Variants in SNX25 observed in about 807,000 individuals in gnomAD.
SNX25 encodes sorting nexin 25.
SNX25 carries 62 observed loss-of-function variants against 113.7 expected under a neutral mutation model. The observed-to-expected ratio is 0.55, with a 90% CI of 0.44 to 0.67. The LOEUF (loss-of-function observed/expected upper bound fraction) is 0.67. SNX25 is among the 30% of genes least tolerant of loss of function. The probability of loss-of-function intolerance (pLI) is 0.00; values close to 1 mark genes in which losing one functional copy is unlikely to be tolerated. For synonymous variants in SNX25, 421 were observed against 436.2 expected (o/e 0.97, Z 0.43); for missense variants, 1,014 against 1,161.0 (o/e 0.87, Z 1.84).
At chr4:185,288,613 T>TG (rs769586379) in intron 6 of SNX25, among the ~76,000 whole-genome samples, 314 of 50,112 alleles carry the variant, frequency 6.3e-3, no homozygotes, top group African/African-American at 0.014. Context: ...TGTTGGGGGG[T>TG]GGGGGGGTGG....
At chr4:185,314,086 C>T (rs1486074198) in intron 7 of SNX25, among the ~76,000 whole-genome samples, 3 of 152,096 alleles carry the variant, frequency 2.0e-5, no homozygotes, top group African/African-American at 4.8e-5. Context: ...AAACCCTGTA[C>T]GAGTGGGCCT....
intron 10 of SNX25, among the ~76,000 whole-genome samples, chr4:185,339,143 G>C (rs983884268): frequency 6.6e-6 from 1 of 152,088 alleles, no homozygotes; most frequent in Non-Finnish European, 1.5e-5. Flanking sequence ...TCTTTCATCA[G>C]TGTTTTGTAG....
At chr4:185,345,152 C>T (rs2095279358) in intron 12 of SNX25, among the ~76,000 whole-genome samples, 1 of 152,176 alleles carries the variant, frequency 6.6e-6, no homozygotes, top group Non-Finnish European at 1.5e-5. Flanking sequence ...AAAGTCCATG[C>T]CCGTCCTCTT....
At chr4:185,320,405 T>C (rs1230759900) in intron 7 of SNX25, among the ~76,000 whole-genome samples, 1 of 151,812 alleles carries the variant, frequency 6.6e-6, no homozygotes, top group African/African-American at 2.4e-5. Flanking sequence ...ATGTTCTCAC[T>C]CGTAAGTGGG....
intron 16 of SNX25, among the ~76,000 whole-genome samples, chr4:185,359,504 C>CA (rs992512536): frequency 1.1e-4 from 17 of 151,990 alleles, no homozygotes; most frequent in African/African-American, 2.7e-4. Context: ...AAGAAATTCC[C>CA]AAAAAAAGGC....
At chr4:185,212,489 G>T (rs10025729) in intron 1 of SNX25, among the ~76,000 whole-genome samples, 7,470 of 42,204 alleles carry the variant, frequency 0.18, 469 homozygotes, top group Non-Finnish European at 0.23. Context: ...GTGTGTGTGT[G>T]TGTTTTTTTT....
intron 2 of SNX25, among the ~76,000 whole-genome samples, chr4:185,252,002 A>AT (rs561867353): frequency 4.0e-5 from 6 of 151,114 alleles, no homozygotes; most frequent in South Asian, 2.1e-4. Context: ...AATGTTCACA[A>AT]TTTTTTTTAC....
chr4:185,265,359 C>A (rs1039791105), intron 4 of SNX25, among the ~76,000 whole-genome samples: 6 of 152,176 alleles, frequency 3.9e-5, no homozygotes, highest in African/African-American at 1.4e-4. Context: ...AGACTATAAA[C>A]CTTATACCAT....
At chr4:185,245,590 C>T (rs186834640) in intron 1 of SNX25, among the ~76,000 whole-genome samples, 8 of 152,224 alleles carry the variant, frequency 5.3e-5, no homozygotes, top group Admixed American at 2.0e-4. Context: ...CCACCAGCCT[C>T]GGCCTCCCAA....
At chr4:185,335,460 G>T (rs2095224015) in intron 10 of SNX25, among the ~76,000 whole-genome samples, 2 of 151,920 alleles carry the variant, frequency 1.3e-5, no homozygotes, top group Admixed American at 6.6e-5. Flanking sequence ...GACTTTTCTG[G>T]ATTAAATATC....
intron 2 of SNX25, among the ~76,000 whole-genome samples, chr4:185,253,744 C>T (rs1452964569): frequency 3.9e-5 from 6 of 152,224 alleles, no homozygotes; most frequent in Non-Finnish European, 7.3e-5. Flanking sequence ...GCTGGGATTA[C>T]AGGCGTGAGC....
downstream of SNX25, among the ~76,000 whole-genome samples, chr4:185,368,456 G>A (rs1215491356): frequency 2.7e-5 from 4 of 149,592 alleles, no homozygotes; most frequent in East Asian, 7.8e-4. Flanking sequence ...CCTTCCTGCG[G>A]GACACTGCCT....
Position 185,267,017 on chromosome 4 carries a change from A to C in SNX25, c.953A>C (p.Gln318Pro). The C allele has an allele frequency of 6.2e-7, 1 of 1,613,984 alleles. No individual in the cohort carries two copies. The highest frequency in any genetic ancestry group is 8.5e-7 in the Non-Finnish European group (1 of 1,179,902). The stretch of plus-strand genomic sequence containing the variant: ...CTGAGTAATCCAGATTACATTAACC[A>C]AATGCTGCTTGCCCAGCTGGCGTAC... ...ELLSNPDYIN[Q>P]MLLAQLAYRE... is the part of the protein sequence containing the mutation. The change falls in exon 5 of 19, where the codon CAA becomes CCA. Residue 318 changes from glutamine to proline, a missense_variant. Physicochemically the swap from Gln to Pro is moderately conservative, Grantham distance 76 (BLOSUM62 -1). Transcript: ENST00000652585.
intron 1 of SNX25, among the ~76,000 whole-genome samples, chr4:185,240,171 T>C (rs1335134186): frequency 5.8e-4 from 88 of 152,038 alleles, no homozygotes; most frequent in Non-Finnish European, 1.2e-3. Context: ...TACCTCTTTC[T>C]ACACAGACAT....
At chr4:185,209,370 T>C (rs1359640043), upstream of SNX25, 2 of 152,404 alleles carry the variant, frequency 1.3e-5, no homozygotes, top group African/African-American at 4.8e-5. This position sits in a 1 kb window ranked among gnomAD's most constrained non-coding sequence, Gnocchi z 5.2. Flanking sequence ...CAGCAAAATT[T>C]TCCATGAACA....
At chr4:185,217,226 C>A (rs1420210883) in intron 1 of SNX25, among the ~76,000 whole-genome samples, 5 of 150,074 alleles carry the variant, frequency 3.3e-5, no homozygotes, top group East Asian at 2.0e-4. Context: ...GCACTCCAGC[C>A]TGGGTGATAG....
At chr4:185,313,929 C>T (rs1433064816) in intron 7 of SNX25, among the ~76,000 whole-genome samples, 1 of 152,038 alleles carries the variant, frequency 6.6e-6, no homozygotes, top group East Asian at 1.9e-4. Flanking sequence ...CTAAGAAAAT[C>T]ATAAGGAAGA....
At chr4:185,361,069 T>C (rs1976917) in intron 16 of SNX25, among the ~76,000 whole-genome samples, 9,058 of 152,152 alleles carry the variant, frequency 0.06, 315 homozygotes, top group South Asian at 0.09. Context: ...TGGGGAATTT[T>C]GAAATTGGCC....
Position 185,212,494 on chromosome 4 carries a change from T to TTTGTTTTTG in SNX25, c.429+2241_429+2242insGTTTTTGTT, listed in dbSNP as rs751413413. ...GTGTGTGTGTGTGTGTGTGTGTGTT[T>TTTGTTTTTG]TTTTTTTTTTTTGCTTTGAGACAGG... is the stretch of plus-strand genomic sequence containing the variant. On this transcript the variant is annotated intron_variant, in intron 1 of 18. Transcript: ENST00000652585. 3.7e-5 allele frequency among the ~76,000 whole-genome samples: 5 copies of TTTGTTTTTG among 133,716 alleles called. 1 individual carries two copies. Among genetic ancestry groups the TTTGTTTTTG allele is most frequent in the Non-Finnish European group, 7.7e-5 (5 of 65,228 alleles). 87.7% of individuals were successfully genotyped at this position (133,716 alleles called of 152,430 possible).
Sources: gnomAD v4.1 joint callset for allele counts (sites outside exome capture counted in the v4.1 genomes callset) on GRCh38, gnomAD v4.1.1 for gene constraint, Gnocchi (gnomAD v3.1) non-coding constraint, MANE v1.5 for transcripts, NCBI Gene and HGNC (gene_info 2026-07-23, HGNC 2026-07-21) for gene names.